Variants in CCDC47 observed in about 807,000 individuals in gnomAD.
The protein encoded by CCDC47 is coiled-coil domain containing 47.
A neutral mutation model predicts 60.5 loss-of-function variants in CCDC47; 41 were observed. The observed-to-expected ratio is 0.68, with a 90% CI of 0.53 to 0.88. The LOEUF is 0.88. CCDC47 is among the 40% of genes least tolerant of loss of function. CCDC47 has a pLI of 0.00. For missense variants in CCDC47, 513 were observed against 580.9 expected, an observed-to-expected ratio of 0.88 and a Z score of 1.20; for synonymous variants, 195 against 190.7, an observed-to-expected ratio of 1.02 and a Z score of -0.18.
At position 63,773,421 on chromosome 17, in the gene CCDC47, A is replaced by C. The variant is rs1359255183; in HGVS notation, c.-29T>G. 5 of 152,334 alleles carry C rather than the reference A, an allele frequency of 3.3e-5. No individual in the cohort carries two copies. Among genetic ancestry groups the C allele is most frequent in the African/African-American group, 4.8e-5 (2 of 41,446 alleles). The allele number at this position is 152,334 out of a possible 1,614,324, so 9.4% of individuals were successfully genotyped here. On this transcript the variant is annotated 5_prime_UTR_variant, in exon 1 of 13. Coordinates refer to ENST00000225726, the MANE Select transcript of CCDC47 (RefSeq NM_020198.3). The stretch of plus-strand genomic sequence containing the variant: ...CTGGCCCGCTCCTTACCTGTGGCCG[A>C]AGCCGAAACCCGGCCCAGCGCCCTG...
intron 1 of CCDC47, among the ~76,000 whole-genome samples, chr17:63,767,566 C>G (rs1476083972): frequency 6.6e-6 from 1 of 152,086 alleles, no homozygotes; most frequent in Non-Finnish European, 1.5e-5. Context: ...TGTCCCTCAT[C>G]TAAACACCAG....
Position 63,764,127 on chromosome 17 carries a change from G to A in CCDC47, c.436C>T (p.Leu146=). ...ATGTAATTCATGATATAAGCAAGCAGACCAGTCACCATCAAAATTTCTAGA... is the reference window on the plus strand; with the variant it reads ...ATGTAATTCATGATATAAGCAAGCAAACCAGTCACCATCAAAATTTCTAGA... ...YYLEILMVTG[L]LAYIMNYIIG... Residue 146 remains leucine, a synonymous_variant, in exon 4 of 13, where the codon CTG becomes TTG. Transcript: ENST00000225726. The A allele has an allele frequency of 6.2e-7, 1 of 1,612,264 alleles. No individual in the cohort carries two copies.
At chr17:63,771,934 T>A (rs1216536454) in intron 1 of CCDC47, among the ~76,000 whole-genome samples, 1 of 151,698 alleles carries the variant, frequency 6.6e-6, no homozygotes, top group Non-Finnish European at 1.5e-5. Flanking sequence ...ATACAAAAAT[T>A]AGCCGGGCGT....
intron 1 of CCDC47, chr17:63,772,742 GTTAT>G (rs2039357997): frequency 6.6e-6 from 1 of 152,070 alleles, no homozygotes; most frequent in Admixed American, 6.6e-5. Flanking sequence ...ATCCTTCAAG[GTTAT>G]TTAGGTTACA....
At chr17:63,765,512 G>A (rs1304804496) in intron 2 of CCDC47, 1 of 161,918 alleles carries the variant, frequency 6.2e-6, no homozygotes, top group Admixed American at 6.6e-5. Context: ...AGCTAATTTT[G>A]TATTTTTAGT....
intron 4 of CCDC47, 23 bp downstream of exon 4, chr17:63,763,993 G>A (rs762090956): frequency 6.4e-7 from 1 of 1,558,370 alleles, no homozygotes; most frequent in African/African-American, 1.4e-5. Flanking sequence ...GCAAGAAGCT[G>A]GGCTGACATT....
intron 6 of CCDC47, among the ~76,000 whole-genome samples, chr17:63,760,663 AC>A (rs1160442947): frequency 6.6e-6 from 1 of 152,020 alleles, no homozygotes; most frequent in Non-Finnish European, 1.5e-5. Context: ...ACATGGTGAA[AC>A]CCTGACTCTA....
At chr17:63,754,283 G>A in intron 9 of CCDC47, 150 bp downstream of exon 9, 1 of 636,818 alleles carries the variant, frequency 1.6e-6, no homozygotes, top group East Asian at 2.9e-5. Context: ...CTCTTATGAT[G>A]CATGCAGTCA....
chr17:63,755,335 C>G (rs1490128073), intron 8 of CCDC47: 35 of 983,166 alleles, frequency 3.6e-5, no homozygotes, highest in Non-Finnish European at 4.2e-5. Flanking sequence ...AAGTAGTACT[C>G]CAGGCTGGGT....
At chr17:63,749,529 G>A (rs572666726) in intron 12 of CCDC47, among the ~76,000 whole-genome samples, 2 of 151,278 alleles carry the variant, frequency 1.3e-5, no homozygotes, top group East Asian at 1.9e-4. Context: ...TGAAGCAGGC[G>A]GATCACGAGG....
rs1037304421 is a variant in CCDC47 at position 63,764,846 on chromosome 17, T to A, written c.266A>T (p.Glu89Val). 6.2e-6 allele frequency: 10 copies of A among 1,609,044 alleles called. No homozygotes were observed. The highest frequency in any genetic ancestry group is 3.4e-5 in the Admixed American group (2 of 58,820). ...EGDFEDADTQEGDTESEPYDD... is the reference protein window; with the variant it reads ...EGDFEDADTQVGDTESEPYDD... ...ATATGGTTCACTCTCAGTATCTCCC[T>A]CCTACAAAAATGAGGCATCATCCGT... Residue 89 changes from glutamate (E) to valine (V), a missense_variant and splice_region_variant, in exon 3 of 13, where the codon GAG becomes GTG. By Grantham distance (121) the Glu-to-Val change is moderately radical (BLOSUM62 -2). Transcript: ENST00000225726.
At chr17:63,769,662 G>A (rs1178642230) in intron 1 of CCDC47, among the ~76,000 whole-genome samples, 1 of 149,086 alleles carries the variant, frequency 6.7e-6, no homozygotes, top group Non-Finnish European at 1.5e-5. Context: ...AAACAAAAAA[G>A]TTTAACAGGG....
chr17:63,765,359 G>T lies in CCDC47; in HGVS notation c.265-512C>A, dbSNP rs112513323. Among the ~76,000 whole-genome samples the T allele has an allele frequency of 9.4e-3, 1,415 of 150,232 alleles. 22 individuals are homozygous for T. The highest frequency in any genetic ancestry group is 0.032 in the African/African-American group (1,324 of 40,866). ...GTTTTTTCTTTTCTTTTTTTTTTTG[G>T]AGACAAGGTCTTGCTCTATCACCCA... is the stretch of plus-strand genomic sequence containing the variant. On this transcript the variant is annotated intron_variant, in intron 2 of 12. Transcript: ENST00000225726.
At chr17:63,747,778 C>A (rs2039131665) in intron 12 of CCDC47, 1 of 985,328 alleles carries the variant, frequency 1.0e-6, no homozygotes, top group Non-Finnish European at 1.2e-6. Context: ...ATATATAGTT[C>A]TTCATAGTGC....
At chr17:63,747,048 C>A in intron 12 of CCDC47, 87 bp from the exon 13 acceptor site, 1 of 1,540,000 alleles carries the variant, frequency 6.5e-7, no homozygotes, top group Non-Finnish European at 8.8e-7. Flanking sequence ...AAAAAAAAAT[C>A]CAAATTAGAA....
intron 7 of CCDC47, 58 bp downstream of exon 7, chr17:63,756,411 T>C: frequency 6.4e-7 from 1 of 1,572,692 alleles, no homozygotes; most frequent in Non-Finnish European, 8.8e-7. Context: ...AAGCTGAATA[T>C]GTGTGTGCTA....
At chr17:63,750,559 A>T (rs1568245529) in intron 12 of CCDC47, among the ~76,000 whole-genome samples, 2 of 151,780 alleles carry the variant, frequency 1.3e-5, no homozygotes. Flanking sequence ...TTCTTACTAA[A>T]ATTCACATCT....
At position 63,766,037 on chromosome 17, in the gene CCDC47, C is replaced by T. The variant is rs1568251665; in HGVS notation, c.139G>A (p.Glu47Lys). The T allele has an allele frequency of 6.2e-7, 1 of 1,614,086 alleles. No homozygotes were observed. Among genetic ancestry groups the T allele is most frequent in the East Asian group, 2.2e-5 (1 of 44,876 alleles). The change falls in exon 2 of 13, where the codon GAA (glutamate) becomes AAA (lysine). Residue 47 changes from glutamate (E) to lysine (K), a missense_variant. Glu to Lys is a moderately conservative substitution (Grantham distance 56). Coordinates refer to ENST00000225726, the MANE Select transcript of CCDC47 (RefSeq NM_020198.3). Reference protein sequence around the residue: ...NDFAEFEDVMEDSVTESPQRV... With the variant: ...NDFAEFEDVMKDSVTESPQRV... ...TGAGGAGATTCAGTAACAGAGTCTT[C>T]CATGACATCCTCAAATTCAGCGAAG...
chr17:63,768,160 T>C (rs2039310472), intron 1 of CCDC47, among the ~76,000 whole-genome samples: 1 of 152,224 alleles, frequency 6.6e-6, no homozygotes, highest in Non-Finnish European at 1.5e-5. Context: ...TAAAAACTCC[T>C]TTGGCATTCA....
Sources: allele counts gnomAD v4.1 joint callset (sites outside exome capture counted in the v4.1 genomes callset), GRCh38; gene constraint gnomAD v4.1.1; transcripts MANE v1.5; gene names NCBI Gene and HGNC (gene_info 2026-07-23, HGNC 2026-07-21).